The following CTNNA3 variants were observed in gnomAD, a reference collection of about 807,000 sequenced individuals.
The protein encoded by CTNNA3 is catenin alpha-3.
Under a neutral mutation model 95.7 loss-of-function variants are expected in CTNNA3, and 76 were observed. That is an observed-to-expected ratio of 0.79 (90% CI 0.66 to 0.96). The LOEUF (loss-of-function observed/expected upper bound fraction) is 0.96. Ranked by LOEUF, CTNNA3 falls within the 40% of genes least tolerant of loss-of-function variation. The pLI is 0.00. For synonymous variants in CTNNA3, 431 were observed against 374.4 expected, an observed-to-expected ratio of 1.15 and a Z score of -1.74; for missense variants, 1,191 against 1,089.8, an observed-to-expected ratio of 1.09 and a Z score of -1.31.
chr10:66,927,156 A>C lies in CTNNA3; in HGVS notation c.1048-151632T>G. 1 of 1,614,162 alleles carries C rather than the reference A, an allele frequency of 6.2e-7. No homozygotes were observed. The highest frequency in any genetic ancestry group is 2.2e-5 in the East Asian group (1 of 44,882). ...GCCTTCAAAAACTTAAGTATAATCA[A>C]TTTAAAGGGCTCAACCAGCTCACCT... is the stretch of plus-strand genomic sequence containing the variant. On this transcript the variant is annotated intron_variant, in intron 7 of 17. Transcript: ENST00000433211. The surrounding 1 kb of genome is among the most constrained non-coding windows in gnomAD (Gnocchi z 4.7).
At chr10:66,089,199 A>G (rs2081114871) in intron 14 of CTNNA3, among the ~76,000 whole-genome samples, 1 of 151,838 alleles carries the variant, frequency 6.6e-6, no homozygotes, top group Non-Finnish European at 1.5e-5. Flanking sequence ...TCTAGTACAT[A>G]TAGGGCCCTT....
chr10:66,255,507 T>C (rs1049314780), intron 13 of CTNNA3, among the ~76,000 whole-genome samples: 3 of 152,142 alleles, frequency 2.0e-5, no homozygotes, highest in African/African-American at 7.2e-5. Context: ...TGCATAATCT[T>C]CCAAAGAACT....
At chr10:66,977,532 C>A (rs1850119748) in intron 7 of CTNNA3, among the ~76,000 whole-genome samples, 1 of 152,124 alleles carries the variant, frequency 6.6e-6, no homozygotes, top group South Asian at 2.1e-4. Flanking sequence ...CTGTTAAGAG[C>A]TCACAGAAGG....
At position 67,438,978 on chromosome 10, in the gene CTNNA3, A is replaced by G. The variant is rs528741869; in HGVS notation, c.579+82864T>C. 1.2e-3 allele frequency among the ~76,000 whole-genome samples: 186 copies of G among 152,282 alleles called. 1 individual carries two copies. The highest frequency in any genetic ancestry group is 8.9e-3 in the South Asian group (43 of 4,824). On this transcript the variant is annotated intron_variant, in intron 5 of 17. Transcript: ENST00000433211. Reference sequence around the variant, plus strand: ...GGGGTCCTTGGTAAGCTTTAAAGGCAGTCTATGACACAAGGACTGAAATTC... The same window carrying G: ...GGGGTCCTTGGTAAGCTTTAAAGGCGGTCTATGACACAAGGACTGAAATTC...
chr10:67,197,365 C>T (rs1863426540), intron 6 of CTNNA3, among the ~76,000 whole-genome samples: 1 of 152,032 alleles, frequency 6.6e-6, no homozygotes, highest in Admixed American at 6.6e-5. Flanking sequence ...CTACCTTTCA[C>T]TTCTGTCTAT....
chr10:67,520,044 A>C (rs1309369723), intron 5 of CTNNA3, among the ~76,000 whole-genome samples: 1 of 152,132 alleles, frequency 6.6e-6, no homozygotes, highest in Non-Finnish European at 1.5e-5. Context: ...TAGCTCCATG[A>C]CCTTAGGCAT....
chr10:67,107,310 C>G (rs1564895326), intron 7 of CTNNA3, among the ~76,000 whole-genome samples: 1 of 152,136 alleles, frequency 6.6e-6, no homozygotes, highest in Non-Finnish European at 1.5e-5. Context: ...TTTCTGAACT[C>G]TAATTCTCTT....
intron 7 of CTNNA3, among the ~76,000 whole-genome samples, chr10:67,177,334 C>A (rs1282963516): frequency 6.6e-6 from 1 of 152,124 alleles, no homozygotes; most frequent in Non-Finnish European, 1.5e-5. Flanking sequence ...GTGGACTGAG[C>A]CTGAGACAAA....
intron 7 of CTNNA3, among the ~76,000 whole-genome samples, chr10:67,010,557 G>A (rs1852255683): frequency 6.6e-6 from 1 of 152,156 alleles, no homozygotes; most frequent in African/African-American, 2.4e-5. Context: ...AGAGTGGGGG[G>A]AGCACTAGCT....
intron 11 of CTNNA3, among the ~76,000 whole-genome samples, chr10:66,475,297 C>A (rs1196154014): frequency 6.6e-6 from 1 of 151,844 alleles, no homozygotes; most frequent in African/African-American, 2.4e-5. Context: ...ATTTAGGACC[C>A]CAAAAATATA....
chr10:67,554,597 T>C (rs1250386209), intron 3 of CTNNA3, among the ~76,000 whole-genome samples: 1 of 152,132 alleles, frequency 6.6e-6, no homozygotes, highest in Non-Finnish European at 1.5e-5. Flanking sequence ...TACTGTTTGA[T>C]GGGGTTGATT....
intron 15 of CTNNA3, among the ~76,000 whole-genome samples, chr10:65,990,073 T>TGTGTGTGTGTG (rs375067707): frequency 2.5e-4 from 16 of 64,904 alleles, no homozygotes; most frequent in African/African-American, 6.5e-4. Flanking sequence ...ATTTTGTGTG[T>TGTGTGTGTGTG]AGTGTGTGTG....
chr10:67,295,038 CA>C (rs1354332395), intron 5 of CTNNA3, among the ~76,000 whole-genome samples: 1 of 152,260 alleles, frequency 6.6e-6, no homozygotes, highest in East Asian at 1.9e-4. Flanking sequence ...TAATTCACCC[CA>C]AAGATGCTAA....
At chr10:66,384,730 C>A (rs1224124632) in intron 11 of CTNNA3, among the ~76,000 whole-genome samples, 4 of 151,992 alleles carry the variant, frequency 2.6e-5, no homozygotes, top group African/African-American at 4.8e-5. Flanking sequence ...AAAGAAATCA[C>A]AACAAACTGT....
intron 7 of CTNNA3, among the ~76,000 whole-genome samples, chr10:66,843,226 G>C (rs149075305): frequency 2.7e-4 from 41 of 152,236 alleles, no homozygotes; most frequent in South Asian, 1.2e-3. Context: ...ACCAAGCTCA[G>C]GGGGGTTTAC....
At position 66,520,728 on chromosome 10, in the gene CTNNA3, C is replaced by G; in HGVS notation, c.1420G>C (p.Ala474Pro). 1 of 1,612,962 alleles carries G rather than the reference C, an allele frequency of 6.2e-7. No homozygotes were observed. Among genetic ancestry groups the G allele is most frequent in the Non-Finnish European group, 8.5e-7 (1 of 1,179,482 alleles). Residue 474 changes from alanine (A) to proline (P), a missense_variant, in exon 11 of 18, where the codon GCG becomes CCG. Coordinates refer to ENST00000433211, the MANE Select transcript of CTNNA3 (RefSeq NM_013266.4). ...TACATTTCCATGGTGTTTTTGACCG[C>G]TTGACTTTTGGGTCTTGCAGCCAAA... is the stretch of plus-strand genomic sequence containing the variant. ...LALAARPKSQ[A>P]VKNTMEMYKR...
intron 7 of CTNNA3, among the ~76,000 whole-genome samples, chr10:66,897,524 C>A (rs1182264760): frequency 1.3e-5 from 2 of 151,900 alleles, no homozygotes; most frequent in African/African-American, 2.4e-5. Flanking sequence ...GTAGTTTAAC[C>A]AACAACAAAT....
At chr10:66,258,599 T>C (rs1006384145) in intron 13 of CTNNA3, among the ~76,000 whole-genome samples, 2 of 152,110 alleles carry the variant, frequency 1.3e-5, no homozygotes, top group African/African-American at 4.8e-5. Context: ...CTTTCTTTTT[T>C]TACGTACACA....
In CTNNA3 at chr10:66,088,176, A is replaced by G. The variant is rs557285799; in HGVS notation, c.1977+14981T>C. 1.6e-4 allele frequency among the ~76,000 whole-genome samples: 25 copies of G among 152,122 alleles called. 1 individual carries two copies. Among genetic ancestry groups the G allele is most frequent in the African/African-American group, 6.0e-4 (25 of 41,542 alleles). On this transcript the variant is annotated intron_variant, in intron 14 of 17. Transcript: ENST00000433211. ...CTTCTTTTTCCCTCTGTACTTTCATACAGAATACCTTTATTTTCATAAAAT... is the reference window on the plus strand; with the variant it reads ...CTTCTTTTTCCCTCTGTACTTTCATGCAGAATACCTTTATTTTCATAAAAT...
Sources: allele counts gnomAD v4.1 joint callset (sites outside exome capture counted in the v4.1 genomes callset), GRCh38; gene constraint gnomAD v4.1.1; non-coding constraint Gnocchi (gnomAD v3.1); transcripts MANE v1.5; gene names NCBI Gene and HGNC (gene_info 2026-07-23, HGNC 2026-07-21).